The following TBL1XR1 variants were observed in gnomAD, a reference collection of about 807,000 sequenced individuals.
TBL1XR1 encodes the protein F-box-like/WD repeat-containing protein TBL1XR1.
In TBL1XR1, 5 loss-of-function variants were observed where a neutral mutation model predicts 66.9. The ratio of observed to expected loss-of-function variants is 0.07; its 90% CI spans 0.04 to 0.16. The LOEUF (loss-of-function observed/expected upper bound fraction) is 0.16, where lower values mean the gene tolerates loss of function less well. TBL1XR1 is among the 10% of genes least tolerant of loss of function. The probability of loss-of-function intolerance (pLI) is 1.00; values close to 1 mark genes in which losing one functional copy is unlikely to be tolerated. For missense variants in TBL1XR1, 238 were observed against 623.2 expected, an observed-to-expected ratio of 0.38 and a Z score of 6.58; for synonymous variants, 210 against 206.0, an observed-to-expected ratio of 1.02 and a Z score of -0.17.
intron 1 of TBL1XR1, among the ~76,000 whole-genome samples, chr3:177,125,296 A>T (rs1727471391): frequency 6.6e-6 from 1 of 152,192 alleles, no homozygotes; most frequent in African/African-American, 2.4e-5. Context: ...AGCATATGAA[A>T]ATACGCTCAA....
intron 1 of TBL1XR1, among the ~76,000 whole-genome samples, chr3:177,110,239 T>C (rs557926905): frequency 6.6e-6 from 1 of 152,314 alleles, no homozygotes; most frequent in Admixed American, 6.5e-5. Flanking sequence ...ACACACATTC[T>C]TACAAAATTA....
chr3:177,063,397 C>T (rs1173533746), intron 3 of TBL1XR1, among the ~76,000 whole-genome samples: 1 of 152,192 alleles, frequency 6.6e-6, no homozygotes. Flanking sequence ...CATACACCAA[C>T]AAGCCTTTAC....
At chr3:177,117,822 G>A (rs986544221) in intron 1 of TBL1XR1, among the ~76,000 whole-genome samples, 7 of 152,096 alleles carry the variant, frequency 4.6e-5, no homozygotes, top group Non-Finnish European at 7.4e-5. Flanking sequence ...TTCTTTCCAA[G>A]GGCAAAGAAG....
At chr3:177,071,137 TCTA>T (rs1719951869) in intron 2 of TBL1XR1, among the ~76,000 whole-genome samples, 1 of 149,782 alleles carries the variant, frequency 6.7e-6, no homozygotes, top group Admixed American at 6.8e-5. Context: ...TTCACGCCAT[TCTA>T]CTGCCTTAGC....
rs897467823 is a variant in TBL1XR1, at chr3:177,042,901, T to A, written c.925+3228A>T. The stretch of plus-strand genomic sequence containing the variant: ...GAGCGAAGAAGGATGCATTTATTAC[T>A]GACTTTATTTTTAAAAAAAAAAGCC... On this transcript the variant is annotated intron_variant, in intron 10 of 15. Coordinates refer to ENST00000457928, the MANE Select transcript of TBL1XR1 (RefSeq NM_024665.7). Among the ~76,000 whole-genome samples, 6 of 152,200 alleles carry A rather than the reference T, an allele frequency of 3.9e-5. No individual in the cohort carries two copies. The East Asian group carries it at 1.2e-3, about 29-fold the overall frequency.
chr3:177,118,114 A>G (rs534867521), intron 1 of TBL1XR1, among the ~76,000 whole-genome samples: 2 of 152,332 alleles, frequency 1.3e-5, no homozygotes, highest in African/African-American at 2.4e-5. Flanking sequence ...GACTCAGGAC[A>G]TATTAGTAGA....
chr3:177,121,188 A>G (rs1161324944), intron 1 of TBL1XR1, among the ~76,000 whole-genome samples: 1 of 152,198 alleles, frequency 6.6e-6, no homozygotes, highest in African/African-American at 2.4e-5. Flanking sequence ...CTCAGGAAAC[A>G]AACATAAACT....
At chr3:177,094,886 T>C (rs13087090) in intron 2 of TBL1XR1, among the ~76,000 whole-genome samples, 2 of 151,966 alleles carry the variant, frequency 1.3e-5, no homozygotes, top group Admixed American at 6.6e-5. Context: ...GCACAGGTGA[T>C]GAGTGCACCA....
At chr3:177,172,569 C>T (rs1733660039) in intron 1 of TBL1XR1, among the ~76,000 whole-genome samples, 1 of 147,918 alleles carries the variant, frequency 6.8e-6, no homozygotes, top group Admixed American at 6.9e-5. Context: ...GTTAGTGAGC[C>T]ATAATCGTAC....
chr3:177,113,889 G>T (rs985645944), intron 1 of TBL1XR1, among the ~76,000 whole-genome samples: 7 of 152,048 alleles, frequency 4.6e-5, no homozygotes, highest in Non-Finnish European at 1.0e-4. Context: ...GGAGAAAAGA[G>T]AATCCTTAAC....
chr3:177,097,634 A>G (rs1281324778), intron 2 of TBL1XR1, among the ~76,000 whole-genome samples: 4 of 152,246 alleles, frequency 2.6e-5, no homozygotes, highest in African/African-American at 9.6e-5. Flanking sequence ...TAAGTAGATA[A>G]GAATGACTCT....
intron 3 of TBL1XR1, among the ~76,000 whole-genome samples, chr3:177,063,625 C>G (rs917662087): frequency 7.9e-5 from 12 of 152,216 alleles, no homozygotes; most frequent in African/African-American, 2.2e-4. Context: ...ACGTAACAAT[C>G]ACTAGTCACT....
At chr3:177,199,520 C>A (rs1203968495), upstream of TBL1XR1, among the ~76,000 whole-genome samples, 2 of 151,850 alleles carry the variant, frequency 1.3e-5, no homozygotes, top group Non-Finnish European at 2.9e-5. Flanking sequence ...ATTGTGCCAC[C>A]ACGGGCGGGT....
chr3:177,171,512 G>C (rs960148180), intron 1 of TBL1XR1: 1 of 151,424 alleles, frequency 6.6e-6, no homozygotes, highest in African/African-American at 2.4e-5. Flanking sequence ...TGGCTAACAC[G>C]GTGAAACCCC....
chr3:177,153,630 G>T (rs918581405), intron 1 of TBL1XR1, among the ~76,000 whole-genome samples: 5 of 152,094 alleles, frequency 3.3e-5, no homozygotes, highest in Non-Finnish European at 5.9e-5. Context: ...GCTCACGACC[G>T]TAATCCCAGC....
At chr3:177,066,171 A>G (rs1383137193) in intron 2 of TBL1XR1, among the ~76,000 whole-genome samples, 1 of 152,202 alleles carries the variant, frequency 6.6e-6, no homozygotes, top group Non-Finnish European at 1.5e-5. Flanking sequence ...TAAAAAAATC[A>G]AAAATTAACA....
chr3:177,052,595 A>C (rs908330972), intron 4 of TBL1XR1, among the ~76,000 whole-genome samples: 3 of 152,240 alleles, frequency 2.0e-5, no homozygotes, highest in African/African-American at 7.2e-5. Flanking sequence ...ATTTACACAC[A>C]TTTTAAGAAA....
At chr3:177,121,768 G>T (rs1727003405) in intron 1 of TBL1XR1, among the ~76,000 whole-genome samples, 1 of 152,020 alleles carries the variant, frequency 6.6e-6, no homozygotes, top group Admixed American at 6.6e-5. Context: ...TTTACAGAAG[G>T]CAAGCCTGTT....
chr3:177,131,285 G>A (rs1398266945), intron 1 of TBL1XR1: 9 of 956,310 alleles, frequency 9.4e-6, no homozygotes, highest in Non-Finnish European at 1.1e-5. Flanking sequence ...AAAGCTATTT[G>A]CCTAATCATA....
Sources: gnomAD v4.1 joint callset for allele counts (sites outside exome capture counted in the v4.1 genomes callset) on GRCh38, gnomAD v4.1.1 for gene constraint, MANE v1.5 for transcripts, NCBI Gene and HGNC (gene_info 2026-07-23, HGNC 2026-07-21) for gene names.